VPS13B: variants seen among roughly 807,000 people sequenced by gnomAD.
The protein encoded by VPS13B is intermembrane lipid transfer protein VPS13B.
In VPS13B, 285 loss-of-function variants were observed where a neutral mutation model predicts 426.4. The observed-to-expected ratio is 0.67, with a 90% CI of 0.61 to 0.74. The LOEUF (loss-of-function observed/expected upper bound fraction) is 0.74, where lower values mean the gene tolerates loss of function less well. Among genes scored for constraint, VPS13B ranks in the 30% least tolerant of loss-of-function variants. The probability of loss-of-function intolerance (pLI) is 0.00; values close to 1 mark genes in which losing one functional copy is unlikely to be tolerated. For synonymous variants in VPS13B, 1,676 were observed against 1,676.4 expected (o/e 1.00, Z 0.01); for missense variants, 4,537 against 4,782.6 (o/e 0.95, Z 1.51).
chr8:99,299,753 T>C (rs2133068276), intron 19 of VPS13B, among the ~76,000 whole-genome samples: 1 of 152,048 alleles, frequency 6.6e-6, no homozygotes, highest in South Asian at 2.1e-4. Flanking sequence ...CTACTAAAAA[T>C]ACAAAAATTA....
chr8:99,208,971 C>G (rs765986160), intron 17 of VPS13B, among the ~76,000 whole-genome samples: 6 of 152,090 alleles, frequency 3.9e-5, no homozygotes, highest in Non-Finnish European at 8.8e-5. Context: ...CAGAGAACTA[C>G]TTGTGTTTAT....
intron 17 of VPS13B, among the ~76,000 whole-genome samples, chr8:99,198,237 C>T (rs2132747197): frequency 6.6e-6 from 1 of 152,218 alleles, no homozygotes; most frequent in Admixed American, 6.5e-5. Context: ...TAGCACTTAT[C>T]ACTGTGTGAA....
rs1268794653 is a variant in VPS13B, at chr8:99,443,951, AT to A, written c.3445+1322del. Among the ~76,000 whole-genome samples, 4 of 150,830 alleles carry A rather than the reference AT, an allele frequency of 2.7e-5. No homozygotes were observed. The South Asian group carries it at 8.4e-4, about 32-fold the overall frequency. On this transcript the variant is annotated intron_variant, in intron 23 of 61. Coordinates refer to ENST00000357162, the MANE Select transcript of VPS13B (RefSeq NM_152564.5). ...TACCACATTATGTACAAAGGTTCTA[AT>A]TTTTTCACATCTGTGTCACTATTTG...
intron 33 of VPS13B, among the ~76,000 whole-genome samples, chr8:99,633,438 G>C (rs1828931594): frequency 6.6e-6 from 1 of 151,998 alleles, no homozygotes; most frequent in Admixed American, 6.6e-5. Context: ...GTTTATGAGA[G>C]TGGCTGATGT....
intron 43 of VPS13B, among the ~76,000 whole-genome samples, chr8:99,808,632 T>C (rs1395316981): frequency 1.3e-5 from 2 of 152,076 alleles, no homozygotes; most frequent in Non-Finnish European, 2.9e-5. Flanking sequence ...AATACTCATA[T>C]AGTTAAACTG....
At chr8:99,647,090 T>C (rs1296428809) in intron 34 of VPS13B, among the ~76,000 whole-genome samples, 1 of 152,150 alleles carries the variant, frequency 6.6e-6, no homozygotes, top group Admixed American at 6.5e-5. Context: ...AGATATTGGC[T>C]TTCTGGGTTG....
At chr8:99,115,917 A>C in intron 7 of VPS13B, 43 bp downstream of exon 7, 1 of 1,591,478 alleles carries the variant, frequency 6.3e-7, no homozygotes, top group South Asian at 1.1e-5. Flanking sequence ...TTTTAAGACT[A>C]TTCTTACGTT....
In VPS13B at chr8:99,501,801, G is replaced by A. The variant is rs1387285570; in HGVS notation, c.3985G>A (p.Val1329Met). ...ACGTGTTAGTTTATGGATGCAGTGG[G>A]TGCTTCCCAAAATTACTATAAAGCT... Reference protein sequence around the residue: ...SGRVSLWMQWVLPKITIKLFA... With the variant: ...SGRVSLWMQWMLPKITIKLFA... The change falls in exon 26 of 62, where the codon GTG becomes ATG. Residue 1329 changes from valine to methionine, a missense_variant. Physicochemically the swap from Val to Met is conservative, Grantham distance 21 (BLOSUM62 1). Around this residue, in one of 2 missense-constraint regions of VPS13B, gnomAD observed 4,311 missense variants for 4,474.3 expected, o/e 0.96. Transcript: ENST00000357162. 1.9e-6 allele frequency: 3 copies of A among 1,613,956 alleles called. No individual in the cohort carries two copies. Among genetic ancestry groups the A allele is most frequent in the Non-Finnish European group, 2.5e-6 (3 of 1,180,028 alleles).
intron 8 of VPS13B, among the ~76,000 whole-genome samples, chr8:99,122,521 C>A (rs1050441540): frequency 6.6e-6 from 1 of 152,080 alleles, no homozygotes; most frequent in Admixed American, 6.6e-5. Flanking sequence ...TTTGATCCCC[C>A]ATGTGTTCTT....
At chr8:99,218,377 A>G (rs1815502485) in intron 17 of VPS13B, among the ~76,000 whole-genome samples, 1 of 152,222 alleles carries the variant, frequency 6.6e-6, no homozygotes, top group Non-Finnish European at 1.5e-5. Context: ...CCCTGGTAGT[A>G]GCCAAAAGGA....
At chr8:99,257,244 G>A (rs961127853) in intron 17 of VPS13B, among the ~76,000 whole-genome samples, 2 of 152,114 alleles carry the variant, frequency 1.3e-5, no homozygotes, top group Non-Finnish European at 2.9e-5. Context: ...TGAGAAACAG[G>A]TTAGAGTTTT....
intron 3 of VPS13B, among the ~76,000 whole-genome samples, chr8:99,083,851 C>T (rs1354510504): frequency 1.3e-4 from 18 of 136,834 alleles, no homozygotes; most frequent in African/African-American, 4.4e-4. Context: ...CTGCTGGATT[C>T]GGTTTGCCAG....
intron 33 of VPS13B, among the ~76,000 whole-genome samples, chr8:99,623,120 T>C (rs1196114576): frequency 6.6e-6 from 1 of 152,084 alleles, no homozygotes; most frequent in Admixed American, 6.5e-5. Context: ...CCCTATGAGA[T>C]CTAACCCCTC....
intron 3 of VPS13B, among the ~76,000 whole-genome samples, chr8:99,057,063 G>A (rs1843915319): frequency 1.3e-5 from 2 of 151,212 alleles, no homozygotes; most frequent in South Asian, 4.2e-4. Flanking sequence ...TTTCTGCATT[G>A]ATCTTGTGTC....
chr8:99,211,582 G>C (rs1046503323), intron 17 of VPS13B, among the ~76,000 whole-genome samples: 1 of 152,054 alleles, frequency 6.6e-6, no homozygotes, highest in East Asian at 1.9e-4. Context: ...TGTTCTGTTA[G>C]AGCCTGTTAC....
At chr8:99,507,539 T>A (rs975700748) in intron 28 of VPS13B, among the ~76,000 whole-genome samples, 2 of 152,242 alleles carry the variant, frequency 1.3e-5, no homozygotes, top group African/African-American at 4.8e-5. Flanking sequence ...GATTGTTCTT[T>A]ACCATAAACT....
At chr8:99,821,225 C>T (rs1588747231) in intron 49 of VPS13B, 69 bp from the exon 50 acceptor site, 2 of 1,426,400 alleles carry the variant, frequency 1.4e-6, no homozygotes, top group East Asian at 3.0e-5. Context: ...AAAAAAAAAT[C>T]CTGAGGATTG....
chr8:99,549,424 A>G (rs1174405366), intron 30 of VPS13B, among the ~76,000 whole-genome samples: 1 of 152,106 alleles, frequency 6.6e-6, no homozygotes, highest in Non-Finnish European at 1.5e-5. Flanking sequence ...GAGTCTGAGG[A>G]AAGATTTCAA....
At chr8:99,547,673 A>T (rs561309903) in intron 30 of VPS13B, among the ~76,000 whole-genome samples, 1 of 152,218 alleles carries the variant, frequency 6.6e-6, no homozygotes, top group Admixed American at 6.5e-5. Flanking sequence ...TTGGTTCCTT[A>T]TGATTACATT....
Sources: allele counts gnomAD v4.1 joint callset (sites outside exome capture counted in the v4.1 genomes callset), GRCh38; gene constraint gnomAD v4.1.1; regional missense constraint gnomAD v4.1.1; transcripts MANE v1.5; gene names NCBI Gene and HGNC (gene_info 2026-07-23, HGNC 2026-07-21).